The following TCF4 variants were observed in gnomAD, a reference collection of about 807,000 sequenced individuals.
The protein encoded by TCF4 is transcription factor 4.
A neutral mutation model predicts 82.1 loss-of-function variants in TCF4; 3 were observed. That is an observed-to-expected ratio of 0.04 (90% confidence interval 0.02 to 0.09). TCF4 has a LOEUF of 0.09. TCF4 is among the 10% of genes least tolerant of loss of function. The pLI, the probability that TCF4 is intolerant of heterozygous loss-of-function variation, is 1.00. For synonymous variants in TCF4, 276 were observed against 309.6 expected, an observed-to-expected ratio of 0.89 and a Z score of 1.14; for missense variants, 518 against 852.7, an observed-to-expected ratio of 0.61 and a Z score of 4.89.
chr18:55,393,421 T>C (rs2093299788), intron 6 of TCF4, among the ~76,000 whole-genome samples: 1 of 152,192 alleles, frequency 6.6e-6, no homozygotes, highest in South Asian at 2.1e-4. Context: ...TTCATCTGCA[T>C]ATGCTTTGTA....
At chr18:55,394,045 G>A (rs1214052490) in intron 6 of TCF4, among the ~76,000 whole-genome samples, 1 of 152,170 alleles carries the variant, frequency 6.6e-6, no homozygotes, top group Non-Finnish European at 1.5e-5. Flanking sequence ...TGTTTGCAGG[G>A]GGCTGAAATG....
chr18:55,546,289 T>C (rs1239401819), intron 3 of TCF4, among the ~76,000 whole-genome samples: 1 of 152,062 alleles, frequency 6.6e-6, no homozygotes, highest in Non-Finnish European at 1.5e-5. Flanking sequence ...CAGTGAGCTA[T>C]GATGATGCCT....
chr18:55,344,759 T>C (rs2080801505), intron 8 of TCF4, among the ~76,000 whole-genome samples: 1 of 151,774 alleles, frequency 6.6e-6, no homozygotes, highest in South Asian at 2.1e-4. Context: ...AGTAGAAAAA[T>C]GGGGTGCTGC....
chr18:55,346,394 A>C (rs1211143025), intron 8 of TCF4, among the ~76,000 whole-genome samples: 1 of 152,198 alleles, frequency 6.6e-6, no homozygotes, highest in Non-Finnish European at 1.5e-5. Context: ...CATGTGTCCC[A>C]AATTATCTCT....
intron 1 of TCF4, among the ~76,000 whole-genome samples, chr18:55,632,229 G>A (rs12103984): frequency 0.46 from 70,123 of 151,882 alleles, 17,557 homozygotes; most frequent in Admixed American, 0.63. Flanking sequence ...TAGTAGAGAC[G>A]GGGTTTCACC....
At chr18:55,611,245 C>T (rs146621459) in intron 2 of TCF4, among the ~76,000 whole-genome samples, 1 of 152,298 alleles carries the variant, frequency 6.6e-6, no homozygotes, top group Non-Finnish European at 1.5e-5. Flanking sequence ...AGGAGTGTGA[C>T]AGATCACAAC....
At chr18:55,401,252 C>T in intron 6 of TCF4, 4 of 1,188,356 alleles carry the variant, frequency 3.4e-6, no homozygotes, top group Non-Finnish European at 4.2e-6. Flanking sequence ...TTCCCTCTGT[C>T]AGCAAATTTC....
intron 5 of TCF4, among the ~76,000 whole-genome samples, chr18:55,426,086 A>G (rs762389186): frequency 6.4e-5 from 9 of 141,018 alleles, no homozygotes; most frequent in African/African-American, 1.2e-4. Flanking sequence ...AACACAAACC[A>G]AGACAAAAAA....
chr18:55,517,166 T>C (rs1229227160), intron 3 of TCF4, among the ~76,000 whole-genome samples: 1 of 152,210 alleles, frequency 6.6e-6, no homozygotes, highest in Admixed American at 6.5e-5. Flanking sequence ...ACCCTGATAC[T>C]GGACTATGCC....
At chr18:55,251,821 G>A (rs1239119872) in intron 15 of TCF4, among the ~76,000 whole-genome samples, 1 of 151,982 alleles carries the variant, frequency 6.6e-6, no homozygotes, top group African/African-American at 2.4e-5. Flanking sequence ...TTTATTTACT[G>A]CAGCTGGCCA....
chr18:55,544,212 T>C (rs1486899984), intron 3 of TCF4, among the ~76,000 whole-genome samples: 2 of 152,202 alleles, frequency 1.3e-5, no homozygotes, highest in African/African-American at 4.8e-5. Flanking sequence ...GTAATTTAAT[T>C]TCTCTGGGAT....
At chr18:55,515,086 A>C (rs1261808105) in intron 3 of TCF4, among the ~76,000 whole-genome samples, 1 of 152,154 alleles carries the variant, frequency 6.6e-6, no homozygotes, top group Non-Finnish European at 1.5e-5. Flanking sequence ...AGAGGAAAAC[A>C]CATAAACGTA....
At chr18:55,527,768 C>T (rs2146638727) in intron 3 of TCF4, among the ~76,000 whole-genome samples, 1 of 152,148 alleles carries the variant, frequency 6.6e-6, no homozygotes, top group East Asian at 1.9e-4. Flanking sequence ...TTTAGATTGG[C>T]CTCCCCCAAG....
At chr18:55,477,319 A>C (rs1208221968) in intron 3 of TCF4, among the ~76,000 whole-genome samples, 1 of 152,220 alleles carries the variant, frequency 6.6e-6, no homozygotes. Context: ...TAGATGCCCT[A>C]TATAAAAGAG....
chr18:55,365,965 TTTATAGATATAGATATAGATATAG>T (rs1295966636), intron 6 of TCF4, among the ~76,000 whole-genome samples: 2 of 137,812 alleles, frequency 1.5e-5, no homozygotes, highest in African/African-American at 2.7e-5. Flanking sequence ...TCTAAAATTG[TTTATAGATATAGATATAGATATAG>T]ATATAGATAT....
At chr18:55,634,028 G>A (rs1438191121) in intron 1 of TCF4, among the ~76,000 whole-genome samples, 2 of 152,188 alleles carry the variant, frequency 1.3e-5, no homozygotes, top group African/African-American at 4.8e-5. Flanking sequence ...CAGAACTTGG[G>A]GAGGCCAAGG....
chr18:55,225,198 C>T lies in TCF4; in HGVS notation c.*2837G>A, dbSNP rs1476567869. The T allele has an allele frequency of 6.6e-6, 1 of 152,396 alleles. No homozygotes were observed. Among genetic ancestry groups the T allele is most frequent in the Non-Finnish European group, 1.5e-5 (1 of 67,988 alleles). 9.4% of individuals were successfully genotyped at this position (152,396 alleles called of 1,614,324 possible). On this transcript the variant is annotated 3_prime_UTR_variant, in exon 20 of 20. Transcript: ENST00000354452. ...TGGCCGTTAGAATTTTCACTTATTTCCAAAGGGAATTCAACAATAGAGGTA... is the reference window on the plus strand; with the variant it reads ...TGGCCGTTAGAATTTTCACTTATTTTCAAAGGGAATTCAACAATAGAGGTA...
intron 5 of TCF4, among the ~76,000 whole-genome samples, chr18:55,432,992 T>G (rs1029006041): frequency 2.0e-5 from 3 of 152,250 alleles, no homozygotes; most frequent in Non-Finnish European, 4.4e-5. Context: ...AAAAGATTCT[T>G]GCTGTGGTTT....
intron 8 of TCF4, among the ~76,000 whole-genome samples, chr18:55,308,337 C>G (rs1243499737): frequency 6.6e-6 from 1 of 152,152 alleles, no homozygotes; most frequent in African/African-American, 2.4e-5. Context: ...CTGCTGGGGA[C>G]TGGGCTTCTA....
Sources: allele counts gnomAD v4.1 joint callset (sites outside exome capture counted in the v4.1 genomes callset), GRCh38; gene constraint gnomAD v4.1.1; transcripts MANE v1.5; gene names NCBI Gene and HGNC (gene_info 2026-07-23, HGNC 2026-07-21).